SH3BP5: variants seen among roughly 807,000 people sequenced by gnomAD.
SH3BP5 encodes SH3 domain-binding protein 5.
Under a neutral mutation model 43.3 loss-of-function variants are expected in SH3BP5, and 22 were observed. The ratio of observed to expected loss-of-function variants is 0.51; its 90% CI spans 0.36 to 0.73. The LOEUF is 0.73. Among genes scored for constraint, SH3BP5 ranks in the 30% least tolerant of loss-of-function variants. The probability of loss-of-function intolerance (pLI) is 0.00; values close to 1 mark genes in which losing one functional copy is unlikely to be tolerated. For missense variants in SH3BP5, 529 were observed against 586.9 expected (o/e 0.90, Z 1.02); for synonymous variants, 255 against 225.8 (o/e 1.13, Z -1.16).
intron 3 of SH3BP5, among the ~76,000 whole-genome samples, chr3:15,285,721 T>C (rs1697247778): frequency 6.6e-6 from 1 of 152,228 alleles, no homozygotes; most frequent in African/African-American, 2.4e-5. Flanking sequence ...AAACAGGTGC[T>C]CCGCCAAGCC....
At chr3:15,297,083 A>C (rs1020774018) in intron 3 of SH3BP5, among the ~76,000 whole-genome samples, 2 of 152,162 alleles carry the variant, frequency 1.3e-5, no homozygotes, top group Non-Finnish European at 2.9e-5. Flanking sequence ...GGATTAACAT[A>C]ATAGTTCAGG....
chr3:15,310,406 A>G (rs992764386), intron 2 of SH3BP5, among the ~76,000 whole-genome samples: 3 of 152,218 alleles, frequency 2.0e-5, no homozygotes, highest in Non-Finnish European at 2.9e-5. Flanking sequence ...CCTTGCCACA[A>G]TTGAACTTAG....
intron 4 of SH3BP5, among the ~76,000 whole-genome samples, chr3:15,266,125 A>G (rs712868): frequency 0.92 from 139,413 of 152,288 alleles, 64,013 homozygotes; most frequent in East Asian, 1. Flanking sequence ...GGCGGTCAGG[A>G]GCCTCTTTGC....
chr3:15,305,736 G>A (rs1443458120), intron 2 of SH3BP5, among the ~76,000 whole-genome samples: 1 of 152,138 alleles, frequency 6.6e-6, no homozygotes, highest in African/African-American at 2.4e-5. Flanking sequence ...GGAGGCCGGA[G>A]GTCTGGAATG....
upstream of SH3BP5, among the ~76,000 whole-genome samples, chr3:15,337,268 A>G (rs1001505839): frequency 2.6e-5 from 4 of 151,686 alleles, no homozygotes; most frequent in Admixed American, 2.6e-4. Flanking sequence ...TATTTTTAGT[A>G]GAGATGAAGT....
intron 4 of SH3BP5, among the ~76,000 whole-genome samples, chr3:15,265,516 A>ACACACACACG (rs1404914994): frequency 3.0e-5 from 2 of 67,624 alleles, no homozygotes; most frequent in Non-Finnish European, 7.0e-5. Flanking sequence ...ACTCCGTCAC[A>ACACACACACG]CACACACACA....
At chr3:15,268,388 C>T (rs1216104841) in intron 4 of SH3BP5, among the ~76,000 whole-genome samples, 10 of 152,218 alleles carry the variant, frequency 6.6e-5, no homozygotes, top group Admixed American at 6.5e-4. Flanking sequence ...CTCAAGGAGT[C>T]ACCAAGACCT....
intron 3 of SH3BP5, among the ~76,000 whole-genome samples, 197 bp from the exon 4 acceptor site, chr3:15,270,074 G>A (rs1696756981): frequency 6.6e-6 from 1 of 152,218 alleles, no homozygotes; most frequent in Non-Finnish European, 1.5e-5. Flanking sequence ...ACAAATCAGT[G>A]AGCGAACAAT....
At chr3:15,278,583 C>T (rs931236533) in intron 3 of SH3BP5, among the ~76,000 whole-genome samples, 5 of 152,192 alleles carry the variant, frequency 3.3e-5, no homozygotes, top group African/African-American at 1.2e-4. Flanking sequence ...CTGAGGATGT[C>T]TGGCATATAT....
At chr3:15,329,790 G>C (rs559947685) in intron 2 of SH3BP5, among the ~76,000 whole-genome samples, 1 of 152,326 alleles carries the variant, frequency 6.6e-6, no homozygotes, top group African/African-American at 2.4e-5. Flanking sequence ...ACATATAGTG[G>C]TTGTTCAAAT....
At position 15,332,432 on chromosome 3, in the gene SH3BP5, C is replaced by T; in HGVS notation, c.-24G>A. 6.6e-7 allele frequency: 1 copy of T among 1,526,482 alleles called. No individual in the cohort carries two copies. Among genetic ancestry groups the T allele is most frequent in the African/African-American group, 1.4e-5 (1 of 72,252 alleles). The allele number at this position is 1,526,482 out of a possible 1,614,324, so 94.6% of individuals were successfully genotyped here. A position where few individuals can be genotyped will look rare whatever the true frequency, so the allele number is the denominator to read the frequency against. ...ATGCAGGCAGCCGGCACGCGCGCCG[C>T]GCAGTGGGCTCCGGAGCGCCCCGGG... On this transcript the variant is annotated 5_prime_UTR_variant, in exon 1 of 9. Transcript: ENST00000383791.
chr3:15,281,955 C>T (rs981840282), intron 3 of SH3BP5, among the ~76,000 whole-genome samples: 11 of 152,142 alleles, frequency 7.2e-5, no homozygotes, highest in African/African-American at 1.7e-4. Flanking sequence ...AGTGATGAGC[C>T]GAGATTGCGC....
chr3:15,309,476 G>A (rs1204379478), intron 2 of SH3BP5, among the ~76,000 whole-genome samples: 1 of 152,096 alleles, frequency 6.6e-6, no homozygotes, highest in Non-Finnish European at 1.5e-5. Context: ...TCAAACTCCT[G>A]GGCTCAAGGG....
chr3:15,323,957 G>A (rs1218520369), intron 2 of SH3BP5, among the ~76,000 whole-genome samples: 3 of 152,180 alleles, frequency 2.0e-5, no homozygotes, highest in African/African-American at 7.2e-5. Context: ...GCAGTATGGG[G>A]GGACCACTGA....
chr3:15,316,219 C>CTTTTTTTTTT (rs577644493), intron 2 of SH3BP5, among the ~76,000 whole-genome samples: 5 of 81,686 alleles, frequency 6.1e-5, no homozygotes, highest in Non-Finnish European at 6.6e-5. Context: ...AAAAGACTCG[C>CTTTTTTTTTT]TTTTTTTTTT....
intron 3 of SH3BP5, among the ~76,000 whole-genome samples, chr3:15,289,503 C>G (rs1296994530): frequency 6.6e-6 from 1 of 152,170 alleles, no homozygotes; most frequent in Non-Finnish European, 1.5e-5. Flanking sequence ...TTTCAGTGAC[C>G]ATGAAATCAC....
chr3:15,314,557 G>A (rs1698140205), intron 2 of SH3BP5, among the ~76,000 whole-genome samples: 1 of 152,160 alleles, frequency 6.6e-6, no homozygotes, highest in Non-Finnish European at 1.5e-5. Context: ...GAGGGTGTAG[G>A]AGCCAGGAAG....
At chr3:15,259,846 A>G (rs985156524) in intron 5 of SH3BP5, 43 bp from the exon 6 acceptor site, 2 of 1,576,924 alleles carry the variant, frequency 1.3e-6, no homozygotes, top group African/African-American at 2.7e-5. Context: ...AATATAATAC[A>G]GTGACCACAG....
At chr3:15,338,531 G>A (rs140805854) in intron 1 of SH3BP5, among the ~76,000 whole-genome samples, 29 of 152,260 alleles carry the variant, frequency 1.9e-4, no homozygotes, top group African/African-American at 6.7e-4. Flanking sequence ...TAGGTCAGAG[G>A]CTGCAAACTG....
Sources: allele counts gnomAD v4.1 joint callset (sites outside exome capture counted in the v4.1 genomes callset), GRCh38; gene constraint gnomAD v4.1.1; transcripts MANE v1.5; gene names NCBI Gene and HGNC (gene_info 2026-07-23, HGNC 2026-07-21).